WNT5A: variants seen among roughly 807,000 people sequenced by gnomAD.
WNT5A encodes protein Wnt-5a.
WNT5A carries 9 observed loss-of-function variants against 42.1 expected under a neutral mutation model. The ratio of observed to expected loss-of-function variants is 0.21; its 90% CI spans 0.13 to 0.37. The LOEUF (loss-of-function observed/expected upper bound fraction) is 0.37. Among genes scored for constraint, WNT5A ranks in the 10% least tolerant of loss-of-function variants. The probability of loss-of-function intolerance (pLI) is 1.00; values close to 1 mark genes in which losing one functional copy is unlikely to be tolerated. For missense variants in WNT5A, 426 were observed against 534.0 expected, an observed-to-expected ratio of 0.80 and a Z score of 1.99; for synonymous variants, 210 against 210.0, an observed-to-expected ratio of 1.00 and a Z score of 0.00.
At chr3:55,485,427 A>C (rs958942238) in intron 1 of WNT5A, among the ~76,000 whole-genome samples, 2 of 151,740 alleles carry the variant, frequency 1.3e-5, no homozygotes, top group Non-Finnish European at 1.5e-5. Flanking sequence ...TTCCGTTGAG[A>C]GGGTCGGGGG....
chr3:55,480,989 C>T, intron 1 of WNT5A, 71 bp from the exon 2 acceptor site: 1 of 1,326,844 alleles, frequency 7.5e-7, no homozygotes, highest in South Asian at 2.5e-5. Flanking sequence ...GTTTAAACAA[C>T]GGAAGCATCC....
chr3:55,504,242 C>G, the WNT5A span, among the ~76,000 whole-genome samples: 1 of 151,764 alleles, frequency 6.6e-6, no homozygotes, highest in South Asian at 2.1e-4. Context: ...GCACTCCAGC[C>G]TGAGCGACAG....
upstream of WNT5A, among the ~76,000 whole-genome samples, chr3:55,489,538 C>T (rs2051634597): frequency 6.6e-6 from 1 of 152,036 alleles, no homozygotes; most frequent in Non-Finnish European, 1.5e-5. Context: ...CCGACTGGAC[C>T]CTTCCCCAGC....
chr3:55,479,367 C>A lies in WNT5A; in HGVS notation c.338G>T (p.Trp113Leu). The A allele has an allele frequency of 6.2e-7, 1 of 1,613,542 alleles. No homozygotes were observed. Among genetic ancestry groups the A allele is most frequent in the Non-Finnish European group, 8.5e-7 (1 of 1,179,562 alleles). ...ECQYQFRHRR[W>L]NCSTVDNTSV... ...GGTGTTATCCACAGTGCTGCAGTTC[C>A]ACCTTCGATGTCGGAATTGATACTG... Residue 113 changes from tryptophan to leucine, a missense_variant, in exon 3 of 5, where the codon TGG becomes TTG. By Grantham distance (61) the Trp-to-Leu change is moderately conservative (BLOSUM62 -2). Around this residue, in one of 3 missense-constraint regions of WNT5A, gnomAD observed 358 missense variants for 468.1 expected, o/e 0.76. Transcript: ENST00000264634.
At chr3:55,498,442 T>TAA in the WNT5A span, among the ~76,000 whole-genome samples, 1 of 151,754 alleles carries the variant, frequency 6.6e-6, no homozygotes. Flanking sequence ...ATGATGAGAG[T>TAA]AACACTGATT....
chr3:55,482,822 T>G (rs2106971226), intron 1 of WNT5A, among the ~76,000 whole-genome samples: 1 of 152,246 alleles, frequency 6.6e-6, no homozygotes, highest in Admixed American at 6.5e-5. Context: ...CTGCAAAGTC[T>G]GCTTCTCGCG....
At chr3:55,492,811 C>A (rs996582438), upstream of WNT5A, among the ~76,000 whole-genome samples, 1 of 152,122 alleles carries the variant, frequency 6.6e-6, no homozygotes, top group Non-Finnish European at 1.5e-5. Context: ...TGAGATAGAT[C>A]GTATTATTAT....
upstream of WNT5A, among the ~76,000 whole-genome samples, chr3:55,494,407 T>C (rs2051692881): frequency 6.6e-6 from 1 of 152,218 alleles, no homozygotes; most frequent in East Asian, 1.9e-4. Context: ...AGTTTTCACA[T>C]TGAGCATGCT....
intron 1 of WNT5A, chr3:55,481,244 G>C (rs1381471099): frequency 5.2e-5 from 51 of 980,860 alleles, no homozygotes; most frequent in Non-Finnish European, 5.6e-5. Flanking sequence ...GCACCCCCTG[G>C]CCCCCCTCTA....
In WNT5A at chr3:55,470,182, C is replaced by T. The variant is rs1479505982; in HGVS notation, c.1053G>A (p.Gln351=). The T allele has an allele frequency of 6.2e-7, 1 of 1,613,948 alleles. No individual in the cohort carries two copies. The highest frequency in any genetic ancestry group is 8.5e-7 in the Non-Finnish European group (1 of 1,179,956). Residue 351 remains glutamine, a synonymous_variant, in exon 5 of 5, where the codon CAG becomes CAA. Coordinates refer to ENST00000264634, the MANE Select transcript of WNT5A (RefSeq NM_003392.7). ...GRGYDQFKTV[Q]TERCHCKFHW... ...GGAACTTGCAGTGGCAGCGCTCCGTCTGCACGGTCTTGAACTGGTCGTAGC... is the reference window on the plus strand; with the variant it reads ...GGAACTTGCAGTGGCAGCGCTCCGTTTGCACGGTCTTGAACTGGTCGTAGC...
At chr3:55,480,288 A>G (rs1039150745) in intron 2 of WNT5A, among the ~76,000 whole-genome samples, 1 of 152,224 alleles carries the variant, frequency 6.6e-6, no homozygotes, top group African/African-American at 2.4e-5. Flanking sequence ...ACTTCAAGTT[A>G]ACCTCCTTTT....
the WNT5A span, among the ~76,000 whole-genome samples, chr3:55,497,982 C>A: frequency 2.0e-5 from 3 of 152,140 alleles, no homozygotes; most frequent in African/African-American, 7.2e-5. Flanking sequence ...AAATGAAATC[C>A]TGGCAGGATT....
intron 2 of WNT5A, among the ~76,000 whole-genome samples, chr3:55,480,187 G>C (rs1481625161): frequency 6.6e-6 from 1 of 152,146 alleles, no homozygotes; most frequent in East Asian, 1.9e-4. Flanking sequence ...AAAATACCCA[G>C]AATGCCGTCA....
At chr3:55,473,563 A>T (rs971459154) in intron 4 of WNT5A, among the ~76,000 whole-genome samples, 5 of 152,210 alleles carry the variant, frequency 3.3e-5, no homozygotes, top group African/African-American at 9.6e-5. Flanking sequence ...GACTGCAAAG[A>T]TGGTCCTCCC....
rs2051166244 is a variant in WNT5A, at chr3:55,467,556, C to A, written c.*2536G>T. The A allele has an allele frequency of 2.6e-5, 4 of 152,542 alleles. No individual in the cohort carries two copies. The highest frequency in any genetic ancestry group is 2.6e-4 in the Admixed American group (4 of 15,264). The allele number at this position is 152,542 out of a possible 1,614,324, so 9.4% of individuals were successfully genotyped here. On this transcript the variant is annotated 3_prime_UTR_variant, in exon 5 of 5. Coordinates refer to ENST00000264634, the MANE Select transcript of WNT5A (RefSeq NM_003392.7). The stretch of plus-strand genomic sequence containing the variant: ...CTCCAAAAATCTCCACATGAATTAT[C>A]TGAAGGACAATTGAAACCACTTACC...
rs1575406283 is a variant in WNT5A at position 55,483,425 on chromosome 3, T to C, written c.7-2507A>G. ...AGCGAACTCACACATACATCGGCTC[T>C]GTAGGGTAAAACATCCCCGCCTGTT... On this transcript the variant is annotated intron_variant, in intron 1 of 4. Coordinates refer to ENST00000264634, the MANE Select transcript of WNT5A (RefSeq NM_003392.7). This position sits in a 1 kb window ranked among gnomAD's most constrained non-coding sequence, Gnocchi z 4.2. Among the ~76,000 whole-genome samples, 1 of 152,116 alleles carries C rather than the reference T, an allele frequency of 6.6e-6. No homozygotes were observed. Among genetic ancestry groups the C allele is most frequent in the Non-Finnish European group, 1.5e-5 (1 of 68,018 alleles).
chr3:55,488,091 C>G (rs890527755), upstream of WNT5A: 1 of 152,362 alleles, frequency 6.6e-6, no homozygotes, highest in Non-Finnish European at 1.5e-5. Context: ...GGTCCATGGC[C>G]GGCGAAGCTG....
rs948629279 is a variant in WNT5A at position 55,481,156 on chromosome 3, G to A, written c.7-238C>T. On this transcript the variant is annotated intron_variant, in intron 1 of 4. Transcript: ENST00000264634. ...GATCCTGTGCGCGGGGCACGCCAGC[G>A]ATTACAAACGTGTCTCAATTCTGTT... The A allele has an allele frequency of 1.1e-5, 7 of 664,200 alleles. No homozygotes were observed. The African/African-American group carries it at 1.3e-4, about 12-fold the overall frequency. The allele number at this position is 664,200 out of a possible 1,614,324, so 41.1% of individuals were successfully genotyped here. A position where few individuals can be genotyped will look rare whatever the true frequency, so the allele number is the denominator to read the frequency against.
the WNT5A span, among the ~76,000 whole-genome samples, chr3:55,502,736 T>C: frequency 2.0e-5 from 3 of 152,192 alleles, no homozygotes; most frequent in Non-Finnish European, 4.4e-5. Context: ...AAAAGAAACA[T>C]TGAAAACCAC....
Sources: allele counts gnomAD v4.1 joint callset (sites outside exome capture counted in the v4.1 genomes callset), GRCh38; gene constraint gnomAD v4.1.1; regional missense constraint gnomAD v4.1.1; non-coding constraint Gnocchi (gnomAD v3.1); transcripts MANE v1.5; gene names NCBI Gene and HGNC (gene_info 2026-07-23, HGNC 2026-07-21).